Variants in PIGL observed in about 807,000 individuals in gnomAD.
PIGL encodes the protein N-acetylglucosaminyl-phosphatidylinositol de-N-acetylase.
In PIGL, 22 loss-of-function variants were observed where a neutral mutation model predicts 31.1. That is an observed-to-expected ratio of 0.71 (90% CI 0.51 to 1.01). The LOEUF is 1.01. PIGL is among the 50% of genes least tolerant of loss of function. PIGL has a pLI of 0.00. For missense variants in PIGL, 302 were observed against 315.9 expected (o/e 0.96, Z 0.33); for synonymous variants, 131 against 117.4 (o/e 1.12, Z -0.75).
chr17:16,245,908 C>T (rs561413204), intron 2 of PIGL, among the ~76,000 whole-genome samples: 1 of 151,878 alleles, frequency 6.6e-6, no homozygotes, highest in African/African-American at 2.4e-5. Context: ...CAAGCTCTGC[C>T]TCCTGGGTTC....
At chr17:16,283,885 A>G (rs2092926474) in intron 2 of PIGL, 1 of 152,146 alleles carries the variant, frequency 6.6e-6, no homozygotes, top group East Asian at 1.9e-4. Context: ...GTCTGTCAGC[A>G]TTGCCTCATA....
chr17:16,301,734 G>A (rs1208334199), intron 3 of PIGL, among the ~76,000 whole-genome samples: 1 of 151,862 alleles, frequency 6.6e-6, no homozygotes, highest in Admixed American at 6.6e-5. Context: ...ACCACACCCA[G>A]CTAATTTTTT....
chr17:16,303,631 C>T (rs2093014377), intron 3 of PIGL, among the ~76,000 whole-genome samples: 2 of 152,156 alleles, frequency 1.3e-5, no homozygotes, highest in South Asian at 4.2e-4. Flanking sequence ...CTCCGCCTCC[C>T]GGGTTCAAGC....
intron 1 of PIGL, among the ~76,000 whole-genome samples, chr17:16,233,186 CA>C (rs1490838983): frequency 6.6e-6 from 1 of 151,930 alleles, no homozygotes; most frequent in Non-Finnish European, 1.5e-5. Context: ...GTAACTTGCA[CA>C]AATCAGACCT....
At chr17:16,306,757 A>G (rs9303135) in intron 3 of PIGL, among the ~76,000 whole-genome samples, 82,522 of 151,724 alleles carry the variant, frequency 0.54, 22,924 homozygotes, top group African/African-American at 0.62. Context: ...TCGAACCCCC[A>G]ACCTCAGGTG....
chr17:16,238,990 G>A (rs372513402), intron 2 of PIGL, among the ~76,000 whole-genome samples: 8 of 145,134 alleles, frequency 5.5e-5, no homozygotes, highest in Admixed American at 1.4e-4. Flanking sequence ...TGATCCATCC[G>A]CCTTGGCCTC....
rs181056910 is a variant in PIGL, at chr17:16,243,665, T to C, written c.335+9595T>C. 3.9e-5 allele frequency among the ~76,000 whole-genome samples: 6 copies of C among 152,324 alleles called. No individual in the cohort carries two copies. The East Asian group carries it at 1.2e-3, about 29-fold the overall frequency. ...TCCTCCGTAAACCTCGAAAGATACA[T>C]GGTTTTGAGTTAATTTGTGAAAGGA... On this transcript the variant is annotated intron_variant, in intron 2 of 6. Coordinates refer to ENST00000225609, the MANE Select transcript of PIGL (RefSeq NM_004278.4).
intron 2 of PIGL, among the ~76,000 whole-genome samples, chr17:16,253,958 AT>A (rs938171596): frequency 9.9e-5 from 15 of 151,848 alleles, no homozygotes; most frequent in African/African-American, 3.6e-4. Context: ...AAAAAAAAAA[AT>A]AGGACGTCCC....
At chr17:16,246,064 C>T (rs975499261) in intron 2 of PIGL, among the ~76,000 whole-genome samples, 4 of 150,970 alleles carry the variant, frequency 2.6e-5, no homozygotes, top group Middle Eastern at 3.4e-3. Flanking sequence ...ACCTTGTGAT[C>T]CACCCGCCTC....
intron 2 of PIGL, among the ~76,000 whole-genome samples, chr17:16,295,439 A>ATGT (rs2092977656): frequency 6.6e-6 from 1 of 150,928 alleles, no homozygotes; most frequent in African/African-American, 2.4e-5. Context: ...ATATGTATGT[A>ATGT]AAATACTAGT....
intron 2 of PIGL, among the ~76,000 whole-genome samples, chr17:16,259,627 A>C (rs2092811095): frequency 6.6e-6 from 1 of 152,240 alleles, no homozygotes; most frequent in African/African-American, 2.4e-5. Context: ...TAAAATTCTT[A>C]AAAGAAAATA....
Position 16,309,744 on chromosome 17 carries a change from C to A in PIGL, c.427-3803C>A, listed in dbSNP as rs142527345. 4.3e-3 allele frequency among the ~76,000 whole-genome samples: 606 copies of A among 141,460 alleles called. 7 individuals are homozygous for A. The highest frequency in any genetic ancestry group is 0.015 in the African/African-American group (569 of 37,496). The allele number at this position is 141,460 out of a possible 152,430, so 92.8% of individuals were successfully genotyped here. ...CGCCACTGCGCTCCAGCCTGGTCAACAGAGCAAGACTCCATCTTAAAAAAA... is the reference window on the plus strand; with the variant it reads ...CGCCACTGCGCTCCAGCCTGGTCAAAAGAGCAAGACTCCATCTTAAAAAAA... On this transcript the variant is annotated intron_variant, in intron 3 of 6. Coordinates refer to ENST00000225609, the MANE Select transcript of PIGL (RefSeq NM_004278.4).
At chr17:16,219,370 A>C (rs1451467435) in intron 1 of PIGL, among the ~76,000 whole-genome samples, 1 of 150,700 alleles carries the variant, frequency 6.6e-6, no homozygotes, top group African/African-American at 2.4e-5. Flanking sequence ...ATTTTTTATA[A>C]ATTTCTTAAT....
chr17:16,290,116 C>T (rs902746955), intron 2 of PIGL, among the ~76,000 whole-genome samples: 5 of 149,140 alleles, frequency 3.4e-5, no homozygotes, highest in African/African-American at 1.2e-4. Flanking sequence ...TTTTTTGAGA[C>T]GGAGACTTGC....
chr17:16,219,528 C>T (rs2092616193), intron 1 of PIGL, among the ~76,000 whole-genome samples: 4 of 151,982 alleles, frequency 2.6e-5, no homozygotes, highest in African/African-American at 9.7e-5. Context: ...CAAGTAATGC[C>T]ACCATTTTTT....
In PIGL at chr17:16,217,828, T is replaced by A. The variant is rs143622422; in HGVS notation, c.235+367T>A. On this transcript the variant is annotated intron_variant, in intron 1 of 6. Coordinates refer to ENST00000225609, the MANE Select transcript of PIGL (RefSeq NM_004278.4). ...TTACTATATAGCACACGAAACAATC[T>A]ATGCTGTATCGTGCCTGCTCAATCC... is the stretch of plus-strand genomic sequence containing the variant. The A allele has an allele frequency of 2.4e-3, 461 of 188,260 alleles. 3 individuals carry two copies. The highest frequency in any genetic ancestry group is 9.9e-3 in the African/African-American group (422 of 42,822). The allele number at this position is 188,260 out of a possible 1,614,324, so 11.7% of individuals were successfully genotyped here.
chr17:16,245,820 A>ATAT (rs1555851512), intron 2 of PIGL, among the ~76,000 whole-genome samples: 4,257 of 140,694 alleles, frequency 0.03, 155 homozygotes, highest in African/African-American at 0.086. Flanking sequence ...ATATATATAT[A>ATAT]TTTTTTTTTG....
At chr17:16,267,829 T>G (rs2092851561) in intron 2 of PIGL, among the ~76,000 whole-genome samples, 1 of 151,704 alleles carries the variant, frequency 6.6e-6, no homozygotes. Context: ...GCCCAGGGGG[T>G]GCAACTTGGA....
At chr17:16,219,555 G>C (rs2092616334) in intron 1 of PIGL, among the ~76,000 whole-genome samples, 1 of 151,640 alleles carries the variant, frequency 6.6e-6, no homozygotes, top group Non-Finnish European at 1.5e-5. Context: ...TTCTAGGTTT[G>C]GTGGGGGGTT....
Sources: allele counts gnomAD v4.1 joint callset (sites outside exome capture counted in the v4.1 genomes callset), GRCh38; gene constraint gnomAD v4.1.1; transcripts MANE v1.5; gene names NCBI Gene and HGNC (gene_info 2026-07-23, HGNC 2026-07-21).